BRINP2: variants seen among roughly 807,000 people sequenced by gnomAD.
The protein encoded by BRINP2 is BMP/retinoic acid inducible neural specific 2.
In BRINP2, 21 loss-of-function variants were observed where a neutral mutation model predicts 69.2. The observed-to-expected ratio is 0.30, with a 90% CI of 0.22 to 0.44. The LOEUF (loss-of-function observed/expected upper bound fraction) is 0.44, where lower values mean the gene tolerates loss of function less well. Ranked by LOEUF, BRINP2 falls within the 20% of genes least tolerant of loss-of-function variation. The probability of loss-of-function intolerance (pLI) is 1.00; values close to 1 mark genes in which losing one functional copy is unlikely to be tolerated. For missense variants in BRINP2, 877 were observed against 986.0 expected, an observed-to-expected ratio of 0.89 and a Z score of 1.48; for synonymous variants, 380 against 394.1, an observed-to-expected ratio of 0.96 and a Z score of 0.42.
At chr1:177,261,076 C>T (rs188197642) in intron 4 of BRINP2, among the ~76,000 whole-genome samples, 4 of 152,126 alleles carry the variant, frequency 2.6e-5, no homozygotes, top group Admixed American at 2.6e-4. Context: ...AAGCCCCAAA[C>T]ATCAGAGACA....
intron 1 of BRINP2, among the ~76,000 whole-genome samples, chr1:177,196,345 C>T (rs367948226): frequency 3.3e-5 from 5 of 152,160 alleles, no homozygotes; most frequent in East Asian, 3.9e-4. Flanking sequence ...ATTCTAGGTG[C>T]GGTGGCTCAC....
At chr1:177,237,888 C>G (rs895892552) in intron 2 of BRINP2, among the ~76,000 whole-genome samples, 1 of 152,120 alleles carries the variant, frequency 6.6e-6, no homozygotes, top group Non-Finnish European at 1.5e-5. Context: ...TTTTCTCTCT[C>G]TCTTTAAGAG....
intron 2 of BRINP2, among the ~76,000 whole-genome samples, chr1:177,234,199 T>C (rs974222166): frequency 5.9e-5 from 9 of 152,158 alleles, no homozygotes; most frequent in Non-Finnish European, 1.2e-4. Flanking sequence ...AGAGACCAAC[T>C]TTTCACAGCA....
At chr1:177,202,783 T>C (rs1648954031) in intron 1 of BRINP2, among the ~76,000 whole-genome samples, 1 of 152,106 alleles carries the variant, frequency 6.6e-6, no homozygotes, top group African/African-American at 2.4e-5. Context: ...TGAGATACCA[T>C]CTCACACCAG....
At chr1:177,257,026 T>C in intron 3 of BRINP2, 150 bp from the exon 4 acceptor site, 1 of 1,538,690 alleles carries the variant, frequency 6.5e-7, no homozygotes, top group Non-Finnish European at 8.8e-7. Flanking sequence ...GAGCTTCTTC[T>C]AAAGATGGTA....
At chr1:177,211,162 G>A (rs1181404607) in intron 1 of BRINP2, among the ~76,000 whole-genome samples, 1 of 152,032 alleles carries the variant, frequency 6.6e-6, no homozygotes, top group Non-Finnish European at 1.5e-5. Flanking sequence ...TTCAATAAAA[G>A]AGCATATATT....
At chr1:177,181,994 G>C (rs930335900) in intron 1 of BRINP2, among the ~76,000 whole-genome samples, 1 of 152,232 alleles carries the variant, frequency 6.6e-6, no homozygotes, top group Non-Finnish European at 1.5e-5. Flanking sequence ...GCTCGAAAGG[G>C]ACAGCAGGGG....
Position 177,276,383 on chromosome 1 carries a change from C to T in BRINP2, c.961C>T (p.Leu321=). The part of the protein sequence containing the change: ...ADIQAMEDSL[L]QIQDSWATHN... ...CATCCAGGCCATGGAGGACAGCCTG[C>T]TGCAGATCCAGGACTCCTGGGCCAC... The change falls in exon 6 of 8, where the codon CTG becomes TTG. Residue 321 remains leucine (L), a synonymous_variant. Transcript: ENST00000361539. 6.2e-7 allele frequency: 1 copy of T among 1,614,184 alleles called. No individual in the cohort carries two copies.
chr1:177,228,086 C>T, intron 1 of BRINP2, among the ~76,000 whole-genome samples: 1 of 152,192 alleles, frequency 6.6e-6, no homozygotes, highest in East Asian at 1.9e-4. Flanking sequence ...AGTCTCTTAG[C>T]TCCACTATTC....
At chr1:177,194,110 T>C (rs1054219753) in intron 1 of BRINP2, among the ~76,000 whole-genome samples, 2 of 152,198 alleles carry the variant, frequency 1.3e-5, no homozygotes, top group Admixed American at 1.3e-4. Flanking sequence ...TATGAGATGT[T>C]TGGCTGTATT....
intron 2 of BRINP2, among the ~76,000 whole-genome samples, chr1:177,254,387 C>A (rs1473671397): frequency 6.7e-6 from 1 of 149,682 alleles, no homozygotes; most frequent in Admixed American, 6.7e-5. Flanking sequence ...TGCACACACA[C>A]ACACACACAC....
At chr1:177,242,150 A>G (rs946042894) in intron 2 of BRINP2, among the ~76,000 whole-genome samples, 1 of 152,062 alleles carries the variant, frequency 6.6e-6, no homozygotes, top group Non-Finnish European at 1.5e-5. Flanking sequence ...AGTTTTGTAG[A>G]TTCTATCGCA....
At chr1:177,196,303 G>A (rs1648742268) in intron 1 of BRINP2, among the ~76,000 whole-genome samples, 2 of 152,172 alleles carry the variant, frequency 1.3e-5, no homozygotes, top group African/African-American at 4.8e-5. Flanking sequence ...CGTTTAAGGA[G>A]GGGTCCAGCT....
chr1:177,278,266 G>A (rs1390508687), intron 6 of BRINP2, among the ~76,000 whole-genome samples: 4 of 152,082 alleles, frequency 2.6e-5, no homozygotes, highest in African/African-American at 9.7e-5. Flanking sequence ...TGCATCCAAG[G>A]TCATTAGCAA....
chr1:177,269,205 T>C (rs959894590), intron 4 of BRINP2, among the ~76,000 whole-genome samples: 10 of 152,208 alleles, frequency 6.6e-5, no homozygotes, highest in Non-Finnish European at 1.5e-4. Flanking sequence ...TCCCTTCTGA[T>C]GAGTTAATGT....
At position 177,276,195 on chromosome 1, in the gene BRINP2, C is replaced by T. The variant is rs762304302; in HGVS notation, c.776-3C>T. On this transcript the variant is annotated splice_region_variant and splice_polypyrimidine_tract_variant and intron_variant, in intron 5 of 7. Transcript: ENST00000361539. ...GAGATTCCTTGACACATCCTTTCCC[C>T]AGGCCTTCAGGTGCTGCTGCCTGAG... 2.5e-6 allele frequency: 4 copies of T among 1,609,892 alleles called. No individual in the cohort carries two copies. The East Asian group carries it at 6.7e-5, about 27-fold the overall frequency.
chr1:177,178,956 A>G (rs538808054), intron 1 of BRINP2, among the ~76,000 whole-genome samples: 1 of 152,316 alleles, frequency 6.6e-6, no homozygotes, highest in Admixed American at 6.5e-5. Flanking sequence ...CAGACACTGT[A>G]CTGAAGTTTT....
chr1:177,252,619 GTACA>G (rs1650618371), intron 2 of BRINP2, among the ~76,000 whole-genome samples: 1 of 151,956 alleles, frequency 6.6e-6, no homozygotes, highest in Admixed American at 6.6e-5. Flanking sequence ...AAAATCTACA[GTACA>G]TTATTATTAG....
At chr1:177,214,255 A>G (rs1357472194) in intron 1 of BRINP2, among the ~76,000 whole-genome samples, 3 of 151,820 alleles carry the variant, frequency 2.0e-5, no homozygotes, top group African/African-American at 7.3e-5. Context: ...GACATGGTGA[A>G]ACCCCCATCT....
Sources: allele counts gnomAD v4.1 joint callset (sites outside exome capture counted in the v4.1 genomes callset), GRCh38; gene constraint gnomAD v4.1.1; transcripts MANE v1.5; gene names NCBI Gene and HGNC (gene_info 2026-07-23, HGNC 2026-07-21).